Variants in SRPK2 observed in about 807,000 individuals in gnomAD.
SRPK2 encodes SFRS protein kinase 2.
SRPK2 carries 21 observed loss-of-function variants against 90.8 expected under a neutral mutation model. The observed-to-expected ratio is 0.23, with a 90% confidence interval of 0.16 to 0.33. The LOEUF is 0.33. Among genes scored for constraint, SRPK2 ranks in the 10% least tolerant of loss-of-function variants. The pLI is 1.00. For missense variants in SRPK2, 620 were observed against 869.0 expected (o/e 0.71, Z 3.60); for synonymous variants, 288 against 311.1 (o/e 0.93, Z 0.78).
At chr7:105,198,122 A>G (rs1313330968) in intron 3 of SRPK2, among the ~76,000 whole-genome samples, 1 of 152,248 alleles carries the variant, frequency 6.6e-6, no homozygotes, top group Non-Finnish European at 1.5e-5. Context: ...AGGATGATAC[A>G]TGCAGACCTT....
chr7:105,138,531 G>A (rs1803228212), intron 11 of SRPK2, among the ~76,000 whole-genome samples: 1 of 152,228 alleles, frequency 6.6e-6, no homozygotes, highest in Admixed American at 6.5e-5. Flanking sequence ...AGGTGTGATG[G>A]CTCACGCCTT....
At chr7:105,327,438 A>T (rs1813721123) in intron 2 of SRPK2, among the ~76,000 whole-genome samples, 1 of 152,250 alleles carries the variant, frequency 6.6e-6, no homozygotes, top group South Asian at 2.1e-4. Context: ...GGTCCTTTAC[A>T]GAAGAAGTTT....
rs77953872 is a variant in SRPK2 at position 105,219,555 on chromosome 7, C to A, written c.72-15770G>T. 2.8e-3 allele frequency among the ~76,000 whole-genome samples: 432 copies of A among 152,342 alleles called. 11 individuals are homozygous for A. In the East Asian group the frequency reaches 0.055, roughly 19 times the overall value. On this transcript the variant is annotated intron_variant, in intron 2 of 15. Coordinates refer to ENST00000393651, the MANE Select transcript of SRPK2 (RefSeq NM_182692.3). ...TCAGGCTTTTAAGTGCTAGAAGCCA[C>A]TCCCTGTTTACTAAGTATGACGTTA...
chr7:105,261,495 T>C (rs1804285977), intron 2 of SRPK2, among the ~76,000 whole-genome samples: 1 of 150,908 alleles, frequency 6.6e-6, no homozygotes, highest in African/African-American at 2.4e-5. Context: ...CACTCCAGCC[T>C]GGGCGACAGA....
At chr7:105,253,299 G>A (rs1223428063) in intron 2 of SRPK2, among the ~76,000 whole-genome samples, 1 of 152,122 alleles carries the variant, frequency 6.6e-6, no homozygotes, top group Non-Finnish European at 1.5e-5. Flanking sequence ...AAAGTCTACA[G>A]CATATCTTAT....
chr7:105,269,183 A>G, intron 2 of SRPK2: 1 of 730,404 alleles, frequency 1.4e-6, no homozygotes, highest in Non-Finnish European at 1.7e-6. Context: ...AAAATAAAAT[A>G]CAAACAAGAA....
intron 2 of SRPK2, chr7:105,298,653 C>T (rs1810156877): frequency 2.3e-6 from 2 of 853,466 alleles, no homozygotes; most frequent in Non-Finnish European, 2.8e-6. Flanking sequence ...AATAAAAAGG[C>T]CCCATAGGAT....
At chr7:105,374,031 G>A (rs557301011) in intron 2 of SRPK2, among the ~76,000 whole-genome samples, 1 of 152,250 alleles carries the variant, frequency 6.6e-6, no homozygotes, top group East Asian at 1.9e-4. Context: ...GTGTTCAATT[G>A]ATTCTCCTGT....
At chr7:105,150,526 A>C (rs1423204472) in intron 7 of SRPK2, among the ~76,000 whole-genome samples, 1 of 152,248 alleles carries the variant, frequency 6.6e-6, no homozygotes, top group Non-Finnish European at 1.5e-5. Flanking sequence ...AAAGGAAAAA[A>C]GAAAAAAAGC....
intron 2 of SRPK2, among the ~76,000 whole-genome samples, chr7:105,375,430 C>T (rs924625828): frequency 1.3e-5 from 2 of 152,086 alleles, no homozygotes; most frequent in Non-Finnish European, 2.9e-5. Context: ...ACCTGTAATC[C>T]CAACACTTTG....
At chr7:105,268,097 T>C (rs1349654130) in intron 2 of SRPK2, among the ~76,000 whole-genome samples, 1 of 152,258 alleles carries the variant, frequency 6.6e-6, no homozygotes, top group Non-Finnish European at 1.5e-5. Context: ...AATATCTTAA[T>C]TCTTTTTATA....
chr7:105,285,299 T>C (rs1023842859), intron 2 of SRPK2, among the ~76,000 whole-genome samples: 6 of 147,854 alleles, frequency 4.1e-5, no homozygotes, highest in South Asian at 2.1e-4. Context: ...GGTGGGAGGA[T>C]TGAATGAGCT....
chr7:105,231,165 A>G (rs1799379172), intron 2 of SRPK2, among the ~76,000 whole-genome samples: 1 of 152,128 alleles, frequency 6.6e-6, no homozygotes, highest in Non-Finnish European at 1.5e-5. Context: ...GCGCCCCCTT[A>G]TAAATAAGAA....
chr7:105,238,549 A>C (rs1259682918), intron 2 of SRPK2, among the ~76,000 whole-genome samples: 1 of 152,202 alleles, frequency 6.6e-6, no homozygotes, highest in East Asian at 1.9e-4. Context: ...CATGGCCTCA[A>C]GGCTGATCCA....
chr7:105,133,708 T>TA (rs1802369832), intron 11 of SRPK2, among the ~76,000 whole-genome samples: 1 of 152,212 alleles, frequency 6.6e-6, no homozygotes, highest in Non-Finnish European at 1.5e-5. Flanking sequence ...GGGACTAAAC[T>TA]ATTCTGGTTT....
At chr7:105,180,626 C>T (rs558165242) in intron 3 of SRPK2, among the ~76,000 whole-genome samples, 39 of 152,072 alleles carry the variant, frequency 2.6e-4, no homozygotes, top group African/African-American at 3.6e-4. Flanking sequence ...GGTGTGGTGG[C>T]GCATGCCTTT....
At chr7:105,376,399 C>G (rs1469913564) in intron 2 of SRPK2, among the ~76,000 whole-genome samples, 2 of 151,946 alleles carry the variant, frequency 1.3e-5, no homozygotes, top group Non-Finnish European at 2.9e-5. Context: ...CACCCCATCC[C>G]ATCCCTATCC....
intron 2 of SRPK2, among the ~76,000 whole-genome samples, chr7:105,355,866 T>C (rs1250241085): frequency 6.6e-6 from 1 of 151,818 alleles, no homozygotes; most frequent in Non-Finnish European, 1.5e-5. Context: ...CTGGCCCACA[T>C]GGTGAAACCC....
At chr7:105,287,711 G>T (rs1808358661) in intron 2 of SRPK2, among the ~76,000 whole-genome samples, 2 of 152,048 alleles carry the variant, frequency 1.3e-5, no homozygotes, top group Non-Finnish European at 2.9e-5. Context: ...ACTCTAGCCT[G>T]GATGACACAG....
Sources: gnomAD v4.1 joint callset for allele counts (sites outside exome capture counted in the v4.1 genomes callset) on GRCh38, gnomAD v4.1.1 for gene constraint, MANE v1.5 for transcripts, NCBI Gene and HGNC (gene_info 2026-07-23, HGNC 2026-07-21) for gene names.